Variants in GPC6 observed in about 807,000 individuals in gnomAD.
The protein encoded by GPC6 is glypican 6, also known as glypican-6.
A neutral mutation model predicts 55.2 loss-of-function variants in GPC6; 14 were observed. That is an observed-to-expected ratio of 0.25 (90% CI 0.17 to 0.40). The LOEUF (loss-of-function observed/expected upper bound fraction) is 0.40. Among genes scored for constraint, GPC6 ranks in the 10% least tolerant of loss-of-function variants. GPC6 has a pLI of 1.00. For synonymous variants in GPC6, 278 were observed against 259.6 expected (o/e 1.07, Z -0.68); for missense variants, 641 against 708.5 (o/e 0.90, Z 1.08).
At chr13:94,053,676 T>C (rs979677172) in intron 4 of GPC6, among the ~76,000 whole-genome samples, 3 of 152,128 alleles carry the variant, frequency 2.0e-5, no homozygotes, top group Admixed American at 6.5e-5. Context: ...GCTCATCCCA[T>C]CTATATATGT....
intron 3 of GPC6, among the ~76,000 whole-genome samples, chr13:93,874,122 A>C (rs1196058169): frequency 6.6e-6 from 1 of 151,952 alleles, no homozygotes; most frequent in Non-Finnish European, 1.5e-5. Flanking sequence ...CTCATGTCAC[A>C]GGGGCTTGTT....
chr13:94,207,542 C>T (rs1434126013), intron 4 of GPC6, among the ~76,000 whole-genome samples: 1 of 152,166 alleles, frequency 6.6e-6, no homozygotes, highest in East Asian at 1.9e-4. Flanking sequence ...TGACAAGTGG[C>T]ATTTGGCTTG....
chr13:94,157,557 G>C (rs1236031856), intron 4 of GPC6, among the ~76,000 whole-genome samples: 1 of 152,170 alleles, frequency 6.6e-6, no homozygotes, highest in African/African-American at 2.4e-5. Flanking sequence ...AGACTGGCAG[G>C]AGCATAGAGG....
intron 4 of GPC6, among the ~76,000 whole-genome samples, chr13:94,279,071 T>C (rs1892295647): frequency 6.6e-6 from 1 of 152,096 alleles, no homozygotes; most frequent in Non-Finnish European, 1.5e-5. Flanking sequence ...GGTCCTGGGC[T>C]TTTTTTGGTT....
chr13:93,822,527 A>G (rs1887087554), intron 2 of GPC6, among the ~76,000 whole-genome samples: 1 of 152,120 alleles, frequency 6.6e-6, no homozygotes, highest in Non-Finnish European at 1.5e-5. Flanking sequence ...TACATGTACC[A>G]TGGTGGTTTC....
rs137995336 is a variant in GPC6, at chr13:94,207,392, T to A, written c.878-78957T>A. The stretch of plus-strand genomic sequence containing the variant: ...CTTCCCACTAGCCCTCTGAAGTAAA[T>A]GTAATCGTTCCCATTTTACAAGGAA... On this transcript the variant is annotated intron_variant, in intron 4 of 8. Coordinates refer to ENST00000377047, the MANE Select transcript of GPC6 (RefSeq NM_005708.5). Among the ~76,000 whole-genome samples, 345 of 152,266 alleles carry A rather than the reference T, an allele frequency of 2.3e-3. 1 individual carries two copies. Among genetic ancestry groups the A allele is most frequent in the African/African-American group, 7.7e-3 (322 of 41,556 alleles).
chr13:94,331,775 A>T (rs897018476), intron 6 of GPC6, among the ~76,000 whole-genome samples: 1 of 152,214 alleles, frequency 6.6e-6, no homozygotes, highest in African/African-American at 2.4e-5. Context: ...ATCACTACTT[A>T]GGAAAAGTAA....
At chr13:93,478,058 T>C (rs1167905852) in intron 1 of GPC6, among the ~76,000 whole-genome samples, 1 of 152,146 alleles carries the variant, frequency 6.6e-6, no homozygotes, top group Admixed American at 6.5e-5. Flanking sequence ...ATTGGGCATT[T>C]TGGGGACATT....
chr13:93,519,869 A>C (rs958625601), intron 1 of GPC6, among the ~76,000 whole-genome samples: 1 of 152,034 alleles, frequency 6.6e-6, no homozygotes, highest in Non-Finnish European at 1.5e-5. Flanking sequence ...TCTTTAAAAG[A>C]ATGCTTTGCT....
intron 3 of GPC6, among the ~76,000 whole-genome samples, chr13:93,903,140 A>G (rs1273743176): frequency 1.3e-5 from 2 of 152,194 alleles, no homozygotes; most frequent in Non-Finnish European, 2.9e-5. Flanking sequence ...GGGAAATGCT[A>G]CATGACATTG....
intron 2 of GPC6, among the ~76,000 whole-genome samples, chr13:93,806,390 G>T (rs1489285577): frequency 6.6e-6 from 1 of 152,036 alleles, no homozygotes; most frequent in East Asian, 1.9e-4. Context: ...CAGGCTGGAG[G>T]GCAATGGCGC....
chr13:94,083,143 G>C (rs560841038), intron 4 of GPC6, among the ~76,000 whole-genome samples: 2 of 152,230 alleles, frequency 1.3e-5, no homozygotes, highest in African/African-American at 2.4e-5. Flanking sequence ...TTTTGAGACG[G>C]AGTCTCGCTG....
chr13:93,754,050 G>A (rs760807476), intron 2 of GPC6, among the ~76,000 whole-genome samples: 5 of 152,168 alleles, frequency 3.3e-5, no homozygotes, highest in Non-Finnish European at 7.3e-5. Context: ...GTAGCAGGCG[G>A]CTTGGCAACC....
At chr13:94,318,578 G>T (rs1252298178) in intron 6 of GPC6, among the ~76,000 whole-genome samples, 1 of 152,154 alleles carries the variant, frequency 6.6e-6, no homozygotes, top group East Asian at 1.9e-4. Flanking sequence ...GATAGCATGA[G>T]ATTTCATCAC....
At chr13:93,652,680 C>T (rs558196866) in intron 2 of GPC6, among the ~76,000 whole-genome samples, 2 of 152,294 alleles carry the variant, frequency 1.3e-5, no homozygotes, top group Admixed American at 1.3e-4. Flanking sequence ...GTCATTCCCT[C>T]CACCCCCATC....
intron 3 of GPC6, among the ~76,000 whole-genome samples, chr13:93,964,791 A>G (rs1423942587): frequency 1.3e-5 from 2 of 152,172 alleles, no homozygotes; most frequent in East Asian, 1.9e-4. Flanking sequence ...ATCATACTGC[A>G]TTATTCACCT....
intron 3 of GPC6, among the ~76,000 whole-genome samples, chr13:94,006,960 A>G (rs1475663763): frequency 6.6e-6 from 1 of 152,114 alleles, no homozygotes; most frequent in Admixed American, 6.5e-5. Flanking sequence ...ATTTTCTGGG[A>G]AAAAAATAAA....
chr13:94,027,602 G>T (rs374662011), intron 3 of GPC6, 127 bp from the exon 4 acceptor site: 1 of 818,018 alleles, frequency 1.2e-6, no homozygotes, highest in African/African-American at 1.7e-5. Flanking sequence ...GAATTGGATG[G>T]ATTCAAGATC....
intron 3 of GPC6, among the ~76,000 whole-genome samples, chr13:93,991,003 G>A (rs918283483): frequency 1.3e-4 from 19 of 149,602 alleles, no homozygotes; most frequent in Non-Finnish European, 2.5e-4. Context: ...TTCTCAGTGC[G>A]TGAACATTTG....
Sources: allele counts gnomAD v4.1 joint callset (sites outside exome capture counted in the v4.1 genomes callset), GRCh38; gene constraint gnomAD v4.1.1; transcripts MANE v1.5; gene names NCBI Gene and HGNC (gene_info 2026-07-23, HGNC 2026-07-21).